Variants in FGD3 observed in about 807,000 individuals in gnomAD.
FGD3 encodes FYVE, RhoGEF and PH domain-containing protein 3.
A neutral mutation model predicts 71.8 loss-of-function variants in FGD3; 45 were observed. The ratio of observed to expected loss-of-function variants is 0.63; its 90% CI spans 0.49 to 0.80. FGD3 has a LOEUF of 0.80. Ranked by LOEUF, FGD3 falls within the 30% of genes least tolerant of loss-of-function variation. The pLI is 0.00. For missense variants in FGD3, 844 were observed against 951.5 expected (o/e 0.89, Z 1.49); for synonymous variants, 378 against 392.8 (o/e 0.96, Z 0.44).
intron 17 of FGD3, 22 bp downstream of exon 17, chr9:93,034,703 G>A: frequency 6.2e-7 from 1 of 1,606,560 alleles, no homozygotes; most frequent in South Asian, 1.1e-5. Flanking sequence ...CACCCCACCA[G>A]GCCCTCAGGC....
In FGD3 at chr9:93,018,711, A is replaced by C. The variant is rs1160783017; in HGVS notation, c.1355+496A>C. The stretch of plus-strand genomic sequence containing the variant: ...TCAAGCTTTAAGACCAGAAGGGTCA[A>C]TTTGTATGTTTATCAGATAAACTAT... On this transcript the variant is annotated intron_variant, in intron 11 of 17. Transcript: ENST00000375482. Among the ~76,000 whole-genome samples, 4 of 152,218 alleles carry C rather than the reference A, an allele frequency of 2.6e-5. 1 individual carries two copies. The highest frequency in any genetic ancestry group is 9.6e-5 in the African/African-American group (4 of 41,454).
At chr9:93,008,123 G>C (rs780536410) in intron 6 of FGD3, among the ~76,000 whole-genome samples, 1 of 152,158 alleles carries the variant, frequency 6.6e-6, no homozygotes, top group Non-Finnish European at 1.5e-5. Flanking sequence ...TTAACATTTT[G>C]TCTGGCTTAC....
chr9:92,984,178 C>T (rs10739940), intron 3 of FGD3, among the ~76,000 whole-genome samples: 90,553 of 152,124 alleles, frequency 0.6, 27,165 homozygotes, highest in South Asian at 0.67. Context: ...GAGTCATGAT[C>T]GCAGTTTATA....
chr9:93,025,331 C>T (rs1042767992), intron 14 of FGD3, among the ~76,000 whole-genome samples: 2 of 152,210 alleles, frequency 1.3e-5, no homozygotes, highest in African/African-American at 2.4e-5. Context: ...ACCTCAGCTC[C>T]AGCCCAGGGC....
At chr9:93,033,281 C>CCTCCTCCTCCCCGTCCCCTT in intron 16 of FGD3, 1 of 229,946 alleles carries the variant, frequency 4.3e-6, no homozygotes, top group Non-Finnish European at 8.4e-6. Context: ...GCAGGCACCC[C>CCTCCTCCTCCCCGTCCCCTT]CTCCTCCTCC....
intron 15 of FGD3, among the ~76,000 whole-genome samples, chr9:93,031,599 G>C (rs1405107955): frequency 6.6e-6 from 1 of 152,200 alleles, no homozygotes; most frequent in Non-Finnish European, 1.5e-5. Flanking sequence ...CTCCAGAAGA[G>C]GGTGCCTTCC....
At chr9:92,948,538 G>A (rs1029336149) in intron 1 of FGD3, among the ~76,000 whole-genome samples, 1 of 152,248 alleles carries the variant, frequency 6.6e-6, no homozygotes, top group African/African-American at 2.4e-5. Context: ...CATTTTCTGG[G>A]ATGGCTGGGA....
intron 1 of FGD3, among the ~76,000 whole-genome samples, chr9:92,970,382 T>G (rs1382014863): frequency 4.6e-5 from 7 of 152,236 alleles, no homozygotes; most frequent in African/African-American, 1.7e-4. Flanking sequence ...GGTTGAGGAC[T>G]GCAGCCAGGG....
At chr9:93,010,051 T>A (rs181353424) in intron 6 of FGD3, among the ~76,000 whole-genome samples, 195 bp from the exon 7 acceptor site, 11 of 152,264 alleles carry the variant, frequency 7.2e-5, no homozygotes, top group Non-Finnish European at 1.5e-4. Flanking sequence ...CAGTTCTTGC[T>A]CCATTGGTCA....
At chr9:93,024,902 T>C (rs539544464) in intron 14 of FGD3, among the ~76,000 whole-genome samples, 2 of 152,376 alleles carry the variant, frequency 1.3e-5, no homozygotes, top group African/African-American at 4.8e-5. Flanking sequence ...GAGATGGCCT[T>C]GGAGCAGGGC....
intron 1 of FGD3, among the ~76,000 whole-genome samples, chr9:92,972,892 T>G (rs1361344227): frequency 1.3e-5 from 2 of 152,188 alleles, no homozygotes; most frequent in Non-Finnish European, 2.9e-5. Flanking sequence ...AGTGTGTTTT[T>G]GGTCTCACAC....
intron 14 of FGD3, among the ~76,000 whole-genome samples, chr9:93,023,783 G>A (rs7854887): frequency 0.17 from 24,852 of 142,026 alleles, 2,200 homozygotes; most frequent in South Asian, 0.19. Context: ...ACAGGAACCC[G>A]CCCATCAGCA....
chr9:92,967,468 C>T (rs571894421), intron 1 of FGD3, among the ~76,000 whole-genome samples: 5 of 152,334 alleles, frequency 3.3e-5, no homozygotes, highest in African/African-American at 9.6e-5. Flanking sequence ...TAGGACCTAA[C>T]GTAGGTGGAA....
chr9:92,990,682 T>A (rs1314097747), intron 3 of FGD3, among the ~76,000 whole-genome samples: 1 of 152,260 alleles, frequency 6.6e-6, no homozygotes, highest in East Asian at 1.9e-4. Context: ...AATGATCATA[T>A]GGTTTTTGTT....
Position 93,026,484 on chromosome 9 carries a change from C to T in FGD3, c.1558-3390C>T, listed in dbSNP as rs1227709986. 2.0e-5 allele frequency among the ~76,000 whole-genome samples: 3 copies of T among 152,198 alleles called. No individual in the cohort carries two copies. The East Asian group carries it at 5.8e-4, about 29-fold the overall frequency. On this transcript the variant is annotated intron_variant, in intron 14 of 17. Coordinates refer to ENST00000375482, the MANE Select transcript of FGD3 (RefSeq NM_001083536.2). ...TTCAGCCACACCTTGATGATGGGAGCTGGAGGGTTGGCCTCGACGGGCTGC... is the reference window on the plus strand; with the variant it reads ...TTCAGCCACACCTTGATGATGGGAGTTGGAGGGTTGGCCTCGACGGGCTGC...
chr9:92,969,265 T>C lies in FGD3; in HGVS notation c.-217-5973T>C, dbSNP rs1859446696. On this transcript the variant is annotated intron_variant, in intron 1 of 17. Coordinates refer to ENST00000375482, the MANE Select transcript of FGD3 (RefSeq NM_001083536.2). This position sits in a 1 kb window ranked among gnomAD's most constrained non-coding sequence, Gnocchi z 4.5. ...AAAGGCTTCAGGCCTGGCTGCCACC[T>C]GCTGTCGGCGGGGATGCCCCCGCAT... Among the ~76,000 whole-genome samples, 1 of 152,230 alleles carries C rather than the reference T, an allele frequency of 6.6e-6. No homozygotes were observed. Among genetic ancestry groups the C allele is most frequent in the East Asian group, 1.9e-4 (1 of 5,190 alleles).
At chr9:93,011,103 G>T (rs1336612441) in intron 7 of FGD3, 111 bp from the exon 8 acceptor site, 3 of 1,132,138 alleles carry the variant, frequency 2.6e-6, no homozygotes, top group Admixed American at 3.4e-5. Flanking sequence ...CCTGGGAAAG[G>T]CTGAGGGCAG....
At position 92,947,613 on chromosome 9, in the gene FGD3, C is replaced by A. The variant is rs1242065972; in HGVS notation, c.-334C>A. The A allele has an allele frequency of 6.6e-6, 1 of 152,358 alleles. No individual in the cohort carries two copies. The highest frequency in any genetic ancestry group is 2.4e-5 in the African/African-American group (1 of 41,472). 9.4% of individuals were successfully genotyped at this position (152,358 alleles called of 1,614,324 possible). A position where few individuals can be genotyped will look rare whatever the true frequency, so the allele number is the denominator to read the frequency against. ...TCCTGCTGCCCACTGTGAGCGACCT[C>A]CCCGGGGCTCCTCTGGAAGCGGCTC... On this transcript the variant is annotated 5_prime_UTR_variant, in exon 1 of 18. Transcript: ENST00000375482.
At chr9:92,950,330 T>G (rs1447811072) in intron 1 of FGD3, among the ~76,000 whole-genome samples, 1 of 150,440 alleles carries the variant, frequency 6.6e-6, no homozygotes, top group Non-Finnish European at 1.5e-5. Flanking sequence ...GGCAGGAGAA[T>G]GGCTTGAACC....
Sources: allele counts gnomAD v4.1 joint callset (sites outside exome capture counted in the v4.1 genomes callset), GRCh38; gene constraint gnomAD v4.1.1; non-coding constraint Gnocchi (gnomAD v3.1); transcripts MANE v1.5; gene names NCBI Gene and HGNC (gene_info 2026-07-23, HGNC 2026-07-21).